Variants in PATJ observed in about 807,000 individuals in gnomAD.
PATJ encodes the protein PATJ crumbs cell polarity complex component, also known as inaD-like protein.
PATJ carries 190 observed loss-of-function variants against 224.9 expected under a neutral mutation model. The observed-to-expected ratio is 0.84, with a 90% CI of 0.75 to 0.95. The LOEUF is 0.95. PATJ is among the 40% of genes least tolerant of loss of function. The pLI is 0.00. For synonymous variants in PATJ, 769 were observed against 820.3 expected (o/e 0.94, Z 1.07); for missense variants, 2,121 against 2,270.3 (o/e 0.93, Z 1.34).
chr1:61,826,641 C>G (rs1301302541), intron 15 of PATJ, among the ~76,000 whole-genome samples: 1 of 151,984 alleles, frequency 6.6e-6, no homozygotes, highest in Non-Finnish European at 1.5e-5. Flanking sequence ...TATTATGTGC[C>G]AAAAGTAATA....
At chr1:61,961,058 C>T (rs1016498782) in intron 27 of PATJ, among the ~76,000 whole-genome samples, 3 of 152,126 alleles carry the variant, frequency 2.0e-5, no homozygotes, top group Non-Finnish European at 2.9e-5. Context: ...AGTTTTCTTC[C>T]CTTTACTGTC....
chr1:62,120,573 A>C (rs1029351821), intron 37 of PATJ, among the ~76,000 whole-genome samples: 3 of 152,224 alleles, frequency 2.0e-5, no homozygotes, highest in Non-Finnish European at 2.9e-5. Flanking sequence ...CATTTAAATG[A>C]ATAAAGGGAC....
chr1:61,850,608 T>G (rs1210403064), intron 17 of PATJ, among the ~76,000 whole-genome samples: 1 of 152,250 alleles, frequency 6.6e-6, no homozygotes, highest in East Asian at 1.9e-4. Context: ...CATATTTGTC[T>G]TCTTTCAACA....
chr1:61,875,482 T>G, intron 21 of PATJ, 116 bp downstream of exon 21: 1 of 789,346 alleles, frequency 1.3e-6, no homozygotes, highest in Non-Finnish European at 2.0e-6. Flanking sequence ...TGCTTTGAAT[T>G]TATGTCTGCT....
intron 28 of PATJ, among the ~76,000 whole-genome samples, chr1:61,993,216 C>T (rs1645166953): frequency 6.6e-6 from 1 of 152,154 alleles, no homozygotes; most frequent in African/African-American, 2.4e-5. Flanking sequence ...TCACACAAGT[C>T]AGGGAAACAA....
At chr1:61,829,719 C>G (rs1028231456) in intron 16 of PATJ, among the ~76,000 whole-genome samples, 10 of 152,184 alleles carry the variant, frequency 6.6e-5, no homozygotes, top group African/African-American at 1.9e-4. Context: ...AGTCTTGGCT[C>G]TTTTTCCATC....
At chr1:61,822,922 C>G (rs770883547) in intron 14 of PATJ, 23 bp from the exon 15 acceptor site, 5 of 1,613,156 alleles carry the variant, frequency 3.1e-6, no homozygotes, top group Admixed American at 3.3e-5. Flanking sequence ...CATGTTTGAT[C>G]ATTGCTTTGT....
intron 20 of PATJ, among the ~76,000 whole-genome samples, chr1:61,873,110 T>C (rs1666863064): frequency 6.6e-6 from 1 of 152,122 alleles, no homozygotes; most frequent in South Asian, 2.1e-4. Context: ...TAAATTATGG[T>C]ACATCCCTAA....
chr1:61,763,329 T>TG, intron 3 of PATJ, 150 bp downstream of exon 3: 1 of 419,970 alleles, frequency 2.4e-6, no homozygotes, highest in East Asian at 3.8e-5. Flanking sequence ...CTATAACCTG[T>TG]GGGTAGCATT....
intron 27 of PATJ, among the ~76,000 whole-genome samples, chr1:61,963,748 G>A (rs1190342845): frequency 6.6e-6 from 1 of 152,160 alleles, no homozygotes; most frequent in Non-Finnish European, 1.5e-5. Flanking sequence ...CTCAGGGGTG[G>A]CAGAGATGGA....
In PATJ at chr1:62,066,175, A is replaced by G. The variant is rs567978236; in HGVS notation, c.4126-13275A>G. On this transcript the variant is annotated intron_variant, in intron 31 of 43. Transcript: ENST00000642238. Reference sequence around the variant, plus strand: ...GAGGATAACAGCAGCTAATGCTTTCATGGCATTTACTATGCATTCTATAGG... The same window carrying G: ...GAGGATAACAGCAGCTAATGCTTTCGTGGCATTTACTATGCATTCTATAGG... 7.9e-5 allele frequency among the ~76,000 whole-genome samples: 12 copies of G among 152,280 alleles called. No individual in the cohort carries two copies. In the East Asian group the frequency reaches 2.3e-3, roughly 29 times the overall value.
chr1:61,856,549 C>T (rs1030809505), intron 18 of PATJ, among the ~76,000 whole-genome samples: 34 of 152,160 alleles, frequency 2.2e-4, no homozygotes, highest in Non-Finnish European at 1.5e-4. Flanking sequence ...GCTTTTAGCA[C>T]AGACTTCTAA....
At position 61,744,276 on chromosome 1, in the gene PATJ, C is replaced by T. The variant is rs768046491; in HGVS notation, c.-36+1721C>T. 5.5e-4 allele frequency among the ~76,000 whole-genome samples: 49 copies of T among 88,766 alleles called. 1 individual carries two copies. The highest frequency in any genetic ancestry group is 0.024 in the Middle Eastern group (2 of 82). The allele number at this position is 88,766 out of a possible 152,430, so 58.2% of individuals were successfully genotyped here. Reference sequence around the variant, plus strand: ...TCCAGCCTGGGTGACAGAGCAAGAACCCTGTCTCAAAAAAAAAAAAAAAAA... The same window carrying T: ...TCCAGCCTGGGTGACAGAGCAAGAATCCTGTCTCAAAAAAAAAAAAAAAAA... On this transcript the variant is annotated intron_variant, in intron 1 of 43. Coordinates refer to ENST00000642238, the MANE Select transcript of PATJ (RefSeq NM_001350145.3).
chr1:61,932,316 C>T lies in PATJ; in HGVS notation c.3670+4487C>T, dbSNP rs577533917. 3.9e-5 allele frequency among the ~76,000 whole-genome samples: 6 copies of T among 152,252 alleles called. No individual in the cohort carries two copies. The South Asian group carries it at 8.3e-4, about 21-fold the overall frequency. ...CACTCTGAAAACCGAAACCACTGAT[C>T]GAAATGGTCTTTAAAGTCATGGGAG... is the stretch of plus-strand genomic sequence containing the variant. On this transcript the variant is annotated intron_variant, in intron 27 of 43. Transcript: ENST00000642238.
At chr1:61,798,348 C>T (rs1651779406) in intron 11 of PATJ, among the ~76,000 whole-genome samples, 1 of 151,934 alleles carries the variant, frequency 6.6e-6, no homozygotes, top group African/African-American at 2.4e-5. Flanking sequence ...TGAGCACCAC[C>T]ATACCCAGAT....
At chr1:61,745,337 G>T (rs1256777521) in intron 1 of PATJ, among the ~76,000 whole-genome samples, 1 of 150,692 alleles carries the variant, frequency 6.6e-6, no homozygotes, top group East Asian at 2.0e-4. Context: ...TGCAGTGGGT[G>T]ATCTCAGCTC....
intron 33 of PATJ, among the ~76,000 whole-genome samples, chr1:62,085,889 A>G (rs1454102070): frequency 6.6e-6 from 1 of 151,394 alleles, no homozygotes; most frequent in African/African-American, 2.4e-5. Context: ...TTCATTTTAC[A>G]CTGACCATTT....
At chr1:61,837,048 T>C (rs1660295948) in intron 17 of PATJ, among the ~76,000 whole-genome samples, 1 of 152,248 alleles carries the variant, frequency 6.6e-6, no homozygotes, top group African/African-American at 2.4e-5. Context: ...CAGCCTTTTC[T>C]CTAGAACAAG....
rs1290001695 is a variant in PATJ at position 61,875,940 on chromosome 1, C to G, written c.2959+574C>G. On this transcript the variant is annotated intron_variant, in intron 21 of 43. Transcript: ENST00000642238. The stretch of plus-strand genomic sequence containing the variant: ...AAAAAGAATTTTTCTTCATCTAACA[C>G]TAAAATATTGAATGTCATTATAAAA... 2.0e-5 allele frequency among the ~76,000 whole-genome samples: 3 copies of G among 152,158 alleles called. No individual in the cohort carries two copies. In the South Asian group the frequency reaches 6.2e-4, roughly 32 times the overall value.
Sources: gnomAD v4.1 joint callset for allele counts (sites outside exome capture counted in the v4.1 genomes callset) on GRCh38, gnomAD v4.1.1 for gene constraint, MANE v1.5 for transcripts, NCBI Gene and HGNC (gene_info 2026-07-23, HGNC 2026-07-21) for gene names.